The following ZNF821 variants were observed in gnomAD, a reference collection of about 807,000 sequenced individuals.
ZNF821 encodes zinc finger protein 821.
In ZNF821, 16 loss-of-function variants were observed where a neutral mutation model predicts 44.3. The ratio of observed to expected loss-of-function variants is 0.36; its 90% CI spans 0.24 to 0.55. The LOEUF is 0.55. ZNF821 is among the 20% of genes least tolerant of loss of function. The pLI is 0.86. For missense variants in ZNF821, 436 were observed against 547.6 expected (o/e 0.80, Z 2.03); for synonymous variants, 204 against 197.6 (o/e 1.03, Z -0.27).
At chr16:71,875,643 T>C (rs545930690) in intron 3 of ZNF821, among the ~76,000 whole-genome samples, 1 of 152,168 alleles carries the variant, frequency 6.6e-6, no homozygotes, top group African/African-American at 2.4e-5. Context: ...TTTGTATTTT[T>C]AGTAGAGACG....
intron 1 of ZNF821, among the ~76,000 whole-genome samples, chr16:71,891,808 G>C (rs2036887120): frequency 6.6e-6 from 1 of 151,930 alleles, no homozygotes; most frequent in Non-Finnish European, 1.5e-5. Flanking sequence ...AGGGGTTTGA[G>C]ACTAGCCTGA....
rs993457907 is a variant in ZNF821, at chr16:71,884,057, G to A, written c.-290C>T. 12 of 152,160 alleles carry A rather than the reference G, an allele frequency of 7.9e-5. 1 individual carries two copies. Among genetic ancestry groups the A allele is most frequent in the Non-Finnish European group, 1.8e-4 (12 of 68,130 alleles). The allele number at this position is 152,160 out of a possible 1,614,324, so 9.4% of individuals were successfully genotyped here. A position where few individuals can be genotyped will look rare whatever the true frequency, so the allele number is the denominator to read the frequency against. On this transcript the variant is annotated 5_prime_UTR_variant, in exon 1 of 8. Transcript: ENST00000425432. ...CCCCGGCGAGCGGAAGGGGCTCCGGGCCGAGCCGAGCCGGTGGCGGGGAGC... is the reference window on the plus strand; with the variant it reads ...CCCCGGCGAGCGGAAGGGGCTCCGGACCGAGCCGAGCCGGTGGCGGGGAGC...
At chr16:71,865,921 A>G (rs963865806) in intron 4 of ZNF821, among the ~76,000 whole-genome samples, 2 of 152,180 alleles carry the variant, frequency 1.3e-5, no homozygotes, top group African/African-American at 4.8e-5. Flanking sequence ...GGAGTCTGCA[A>G]GGTTTATGTG....
chr16:71,883,378 C>T (rs2036627293), intron 1 of ZNF821, 105 bp from the exon 2 acceptor site: 2 of 359,168 alleles, frequency 5.6e-6, no homozygotes, highest in Non-Finnish European at 1.1e-5. Flanking sequence ...GAGATGGTCC[C>T]TCTGCTTCTT....
At chr16:71,868,206 G>A (rs2034766603) in intron 3 of ZNF821, among the ~76,000 whole-genome samples, 169 bp from the exon 4 acceptor site, 2 of 152,218 alleles carry the variant, frequency 1.3e-5, no homozygotes, top group Admixed American at 1.3e-4. Flanking sequence ...GGGTGCAGCT[G>A]CTCTTCCTGG....
At chr16:71,868,879 GTC>G (rs2034860449) in intron 3 of ZNF821, among the ~76,000 whole-genome samples, 1 of 152,038 alleles carries the variant, frequency 6.6e-6, no homozygotes, top group Non-Finnish European at 1.5e-5. Context: ...AGCCAGGATG[GTC>G]TCTATCTCCT....
rs536921858 is a variant in ZNF821, at chr16:71,860,942, GC to G, written c.585-271del. Among the ~76,000 whole-genome samples the G allele has an allele frequency of 6.7e-6, 1 of 148,474 alleles. No homozygotes were observed. Among genetic ancestry groups the G allele is most frequent in the South Asian group, 2.1e-4 (1 of 4,686 alleles). ...GCAATCTCAGCTCACTGCAACCTCCGCCTCCTAGGTTCAAGCCATTCTCCTG... is the reference window on the plus strand; with the variant it reads ...GCAATCTCAGCTCACTGCAACCTCCGCTCCTAGGTTCAAGCCATTCTCCTG... On this transcript the variant is annotated intron_variant, in intron 7 of 7. Transcript: ENST00000425432. This position sits in a 1 kb window ranked among gnomAD's most constrained non-coding sequence, Gnocchi z 7.3.
chr16:71,886,740 T>A (rs909592900), upstream of ZNF821, among the ~76,000 whole-genome samples: 1 of 152,226 alleles, frequency 6.6e-6, no homozygotes, highest in Non-Finnish European at 1.5e-5. Flanking sequence ...TTCACAGGGT[T>A]GACAACATCA....
chr16:71,878,656 G>A (rs967827467), intron 3 of ZNF821, among the ~76,000 whole-genome samples: 2 of 152,154 alleles, frequency 1.3e-5, no homozygotes, highest in East Asian at 1.9e-4. Context: ...TGCAACAGGT[G>A]CGGTGGCTCA....
At chr16:71,892,653 C>T (rs774770905) in intron 1 of ZNF821, among the ~76,000 whole-genome samples, 2 of 149,560 alleles carry the variant, frequency 1.3e-5, no homozygotes, top group African/African-American at 4.9e-5. Context: ...CTCATTGCAA[C>T]CTCCGCCTCC....
Position 71,869,900 on chromosome 16 carries a change from G to T in ZNF821, c.41-1863C>A, listed in dbSNP as rs576621062. Among the ~76,000 whole-genome samples the T allele has an allele frequency of 1.3e-4, 20 of 152,276 alleles. No individual in the cohort carries two copies. In the South Asian group the frequency reaches 4.1e-3, roughly 32 times the overall value. ...GATCCCCCTACCTCGACCTCCTAAA[G>T]TGTTGGAATTACAGGTGTGAGTCAC... On this transcript the variant is annotated intron_variant, in intron 3 of 7. Transcript: ENST00000425432.
chr16:71,885,876 C>A (rs1213573386), upstream of ZNF821, among the ~76,000 whole-genome samples: 1 of 152,210 alleles, frequency 6.6e-6, no homozygotes, highest in African/African-American at 2.4e-5. Flanking sequence ...ATCATCCAAC[C>A]CGCAAGTGTT....
At chr16:71,878,600 G>A (rs1208042094) in intron 3 of ZNF821, among the ~76,000 whole-genome samples, 2 of 152,078 alleles carry the variant, frequency 1.3e-5, no homozygotes, top group Non-Finnish European at 2.9e-5. Flanking sequence ...ATGGCACATA[G>A]TCTCTGCCTT....
chr16:71,871,214 G>T (rs2035162049), intron 3 of ZNF821, among the ~76,000 whole-genome samples: 1 of 152,194 alleles, frequency 6.6e-6, no homozygotes. Flanking sequence ...GTAACCGGGA[G>T]AAGTTAATTC....
In ZNF821 at chr16:71,890,862, C is replaced by T. The variant is rs572163101; in HGVS notation, n.448+4027G>A. Among the ~76,000 whole-genome samples the T allele has an allele frequency of 7.3e-4, 108 of 147,478 alleles. 1 individual carries two copies. The highest frequency in any genetic ancestry group is 2.6e-3 in the African/African-American group (105 of 39,850). On this transcript the variant is annotated intron_variant and non_coding_transcript_variant, in intron 1 of 2. Transcript: ENST00000561700. ...TCTCGGCTCACTGCAAGCTCCGCCTCCCAGGTTCACGCCATTCTCCTGCCT... is the reference window on the plus strand; with the variant it reads ...TCTCGGCTCACTGCAAGCTCCGCCTTCCAGGTTCACGCCATTCTCCTGCCT...
intron 3 of ZNF821, among the ~76,000 whole-genome samples, chr16:71,871,777 T>C (rs779030773): frequency 2.6e-5 from 4 of 152,170 alleles, no homozygotes; most frequent in Non-Finnish European, 4.4e-5. Flanking sequence ...TTCTCTCTCC[T>C]TTTATTTTTG....
chr16:71,869,557 CTA>C (rs67883936), intron 3 of ZNF821, among the ~76,000 whole-genome samples: 29,986 of 152,146 alleles, frequency 0.2, 3,695 homozygotes, highest in Non-Finnish European at 0.28. Flanking sequence ...GTAGGGATTA[CTA>C]TCTATATTTA....
At chr16:71,864,695 G>A (rs951535057) in intron 5 of ZNF821, 41 of 580,140 alleles carry the variant, frequency 7.1e-5, no homozygotes, top group Middle Eastern at 9.6e-4. Context: ...GTGCACAGGC[G>A]CAGCGATTCG....
At chr16:71,892,330 G>A (rs930198153) in intron 1 of ZNF821, among the ~76,000 whole-genome samples, 40 of 148,434 alleles carry the variant, frequency 2.7e-4, no homozygotes, top group African/African-American at 8.6e-4. Flanking sequence ...GCAGGGGCGC[G>A]ATCTCGGCTC....
Sources: gnomAD v4.1 joint callset for allele counts (sites outside exome capture counted in the v4.1 genomes callset) on GRCh38, gnomAD v4.1.1 for gene constraint, Gnocchi (gnomAD v3.1) non-coding constraint, MANE v1.5 for transcripts, NCBI Gene and HGNC (gene_info 2026-07-23, HGNC 2026-07-21) for gene names.